CFAP54: variants seen among roughly 807,000 people sequenced by gnomAD.
CFAP54 encodes cilia- and flagella-associated protein 54.
A neutral mutation model predicts 370.4 loss-of-function variants in CFAP54; 290 were observed. The observed-to-expected ratio is 0.78, with a 90% CI of 0.71 to 0.86. The LOEUF is 0.86. Among genes scored for constraint, CFAP54 ranks in the 40% least tolerant of loss-of-function variants. CFAP54 has a pLI of 0.00. For missense variants in CFAP54, 3,399 were observed against 3,528.7 expected (o/e 0.96, Z 0.93); for synonymous variants, 1,206 against 1,236.5 (o/e 0.98, Z 0.52).
chr12:96,780,420 G>A (rs182398397), intron 60 of CFAP54, among the ~76,000 whole-genome samples: 3 of 152,058 alleles, frequency 2.0e-5, no homozygotes, highest in East Asian at 1.9e-4. Flanking sequence ...ACAGTGTATC[G>A]AAAAAGACCC....
At chr12:96,872,007 T>G (rs1247301836) in intron 67 of CFAP54, among the ~76,000 whole-genome samples, 4 of 151,088 alleles carry the variant, frequency 2.6e-5, no homozygotes, top group Non-Finnish European at 5.9e-5. Flanking sequence ...AAGGAAAGAG[T>G]CCTTTGAAAA....
chr12:96,874,463 G>A (rs1409347020), intron 67 of CFAP54, among the ~76,000 whole-genome samples: 3 of 152,070 alleles, frequency 2.0e-5, no homozygotes, highest in African/African-American at 4.8e-5. Flanking sequence ...CAAGGAAACA[G>A]AAGAATAGAA....
intron 1 of CFAP54, among the ~76,000 whole-genome samples, chr12:96,497,342 G>A (rs1469697026): frequency 6.6e-6 from 1 of 152,200 alleles, no homozygotes; most frequent in Non-Finnish European, 1.5e-5. Flanking sequence ...CATTGAAGGA[G>A]AAGAAGAAAG....
At chr12:96,625,910 T>G in intron 29 of CFAP54, 103 bp downstream of exon 29, 1 of 856,778 alleles carries the variant, frequency 1.2e-6, no homozygotes, top group Non-Finnish European at 1.8e-6. Flanking sequence ...TTTCACCTGT[T>G]TCAGGCAGAA....
intron 58 of CFAP54, 82 bp from the exon 59 acceptor site, chr12:96,764,069 C>T: frequency 1.2e-6 from 1 of 830,740 alleles, no homozygotes; most frequent in Non-Finnish European, 2.0e-6. Context: ...GACTACATAG[C>T]ATTTCACTAA....
At chr12:96,721,159 A>C (rs1957748382) in intron 50 of CFAP54, among the ~76,000 whole-genome samples, 1 of 152,246 alleles carries the variant, frequency 6.6e-6, no homozygotes, top group Non-Finnish European at 1.5e-5. Context: ...TTTTAAAAAG[A>C]CTAAACCTTT....
chr12:96,589,542 T>C lies in CFAP54; in HGVS notation c.3191T>C (p.Ile1064Thr), dbSNP rs1391135187. 2.1e-6 allele frequency: 3 copies of C among 1,459,394 alleles called. No homozygotes were observed. In the East Asian group the frequency reaches 7.4e-5, roughly 36 times the overall value. The allele number at this position is 1,459,394 out of a possible 1,614,324, so 90.4% of individuals were successfully genotyped here. A position where few individuals can be genotyped will look rare whatever the true frequency, so the allele number is the denominator to read the frequency against. ...DEQSVICLSNIITITQRRLHS... is the reference protein window; with the variant it reads ...DEQSVICLSNTITITQRRLHS... Reference sequence around the variant, plus strand: ...CAATCTGTTATTTGTTTAAGCAATATAATTACTATTACACAAAGAAGGTAA... The same window carrying C: ...CAATCTGTTATTTGTTTAAGCAATACAATTACTATTACACAAAGAAGGTAA... The change falls in exon 23 of 68, where the codon ATA (isoleucine) becomes ACA (threonine). Residue 1064 changes from isoleucine to threonine, a missense_variant. Transcript: ENST00000524981.
Position 96,753,830 on chromosome 12 carries a change from C to G in CFAP54, c.7772C>G (p.Ala2591Gly), listed in dbSNP as rs1450364216. ...WLPALHLFDV[A>G]LKLCRTTAVE... is the part of the protein sequence containing the mutation. The stretch of plus-strand genomic sequence containing the variant: ...CCTGCTCTTCATCTGTTTGATGTGG[C>G]ACTGAAGCTCTGTAGAACAACAGCA... The change falls in exon 56 of 68, where the codon GCA becomes GGA. Residue 2591 changes from alanine to glycine, a missense_variant. Around this residue, in one of 3 missense-constraint regions of CFAP54, gnomAD observed 2,796 missense variants for 2,869.7 expected, o/e 0.97. Transcript: ENST00000524981. 1 of 1,613,982 alleles carries G rather than the reference C, an allele frequency of 6.2e-7. No individual in the cohort carries two copies. The highest frequency in any genetic ancestry group is 2.2e-5 in the East Asian group (1 of 44,864).
intron 15 of CFAP54, among the ~76,000 whole-genome samples, chr12:96,551,567 GC>G (rs1343116405): frequency 6.6e-6 from 1 of 151,738 alleles, no homozygotes; most frequent in Non-Finnish European, 1.5e-5. Flanking sequence ...TTCTAGGAAT[GC>G]CAGGATGATT....
At chr12:96,573,084 T>A (rs1253020746) in intron 19 of CFAP54, 1 of 954,984 alleles carries the variant, frequency 1.0e-6, no homozygotes, top group African/African-American at 1.8e-5. Context: ...TAAGGGCCAG[T>A]GGGCCAGTGC....
At chr12:96,625,940 C>T in intron 29 of CFAP54, 133 bp downstream of exon 29, 1 of 666,702 alleles carries the variant, frequency 1.5e-6, no homozygotes, top group Non-Finnish European at 2.5e-6. Flanking sequence ...TTCTTACCCA[C>T]TCAGAATAAT....
intron 14 of CFAP54, among the ~76,000 whole-genome samples, chr12:96,546,545 C>A (rs778404644): frequency 5.4e-4 from 82 of 152,174 alleles, no homozygotes; most frequent in Non-Finnish European, 1.0e-3. Context: ...ATGTCTATTT[C>A]TGGCCAGGTG....
intron 66 of CFAP54, among the ~76,000 whole-genome samples, chr12:96,842,585 T>C (rs913135132): frequency 6.6e-6 from 1 of 152,192 alleles, no homozygotes; most frequent in Non-Finnish European, 1.5e-5. Flanking sequence ...CATTAAACTA[T>C]CCTTTTGATG....
At chr12:96,648,867 C>A (rs1331221965) in intron 34 of CFAP54, among the ~76,000 whole-genome samples, 1 of 152,012 alleles carries the variant, frequency 6.6e-6, no homozygotes, top group Non-Finnish European at 1.5e-5. Flanking sequence ...GAATTACAGG[C>A]GTGAGCCACT....
At chr12:96,575,108 T>A (rs117690967) in intron 19 of CFAP54, among the ~76,000 whole-genome samples, 1,540 of 152,260 alleles carry the variant, frequency 0.01, 11 homozygotes, top group Non-Finnish European at 0.017. Flanking sequence ...TGTATTTTCA[T>A]CCCTAATGAC....
At chr12:96,835,979 G>C (rs185715937) in intron 66 of CFAP54, among the ~76,000 whole-genome samples, 108 of 152,324 alleles carry the variant, frequency 7.1e-4, no homozygotes, top group Non-Finnish European at 1.1e-3. Flanking sequence ...CTAGGGGAGA[G>C]AAGGACAAAG....
intron 6 of CFAP54, among the ~76,000 whole-genome samples, chr12:96,521,503 C>CGTGTGT (rs10554608): frequency 1.5e-3 from 190 of 129,676 alleles, no homozygotes; most frequent in Middle Eastern, 3.8e-3. Context: ...CAACTGAGGA[C>CGTGTGT]GTGTGTGTGT....
chr12:96,768,772 A>G (rs1210584030), intron 60 of CFAP54, among the ~76,000 whole-genome samples: 1 of 152,236 alleles, frequency 6.6e-6, no homozygotes, highest in African/African-American at 2.4e-5. Context: ...AAATCCATCT[A>G]TGCCTTCTGA....
At chr12:96,719,611 A>G (rs994112842) in intron 49 of CFAP54, among the ~76,000 whole-genome samples, 1 of 152,122 alleles carries the variant, frequency 6.6e-6, no homozygotes, top group African/African-American at 2.4e-5. Flanking sequence ...GAAAATCAAC[A>G]CTCTTGGCAC....
Sources: allele counts gnomAD v4.1 joint callset (sites outside exome capture counted in the v4.1 genomes callset), GRCh38; gene constraint gnomAD v4.1.1; regional missense constraint gnomAD v4.1.1; transcripts MANE v1.5; gene names NCBI Gene and HGNC (gene_info 2026-07-23, HGNC 2026-07-21).